Variants in TGFA observed in about 807,000 individuals in gnomAD.
The protein encoded by TGFA is transforming growth factor alpha.
TGFA carries 12 observed loss-of-function variants against 21.7 expected under a neutral mutation model. That is an observed-to-expected ratio of 0.55 (90% CI 0.35 to 0.90). The LOEUF (loss-of-function observed/expected upper bound fraction) is 0.90, where lower values mean the gene tolerates loss of function less well. TGFA is among the 40% of genes least tolerant of loss of function. TGFA has a pLI of 0.01. For synonymous variants in TGFA, 79 were observed against 88.1 expected (o/e 0.90, Z 0.58); for missense variants, 178 against 210.8 (o/e 0.84, Z 0.96).
intron 2 of TGFA, among the ~76,000 whole-genome samples, chr2:70,510,718 G>C (rs1672071472): frequency 6.6e-6 from 1 of 152,164 alleles, no homozygotes; most frequent in Non-Finnish European, 1.5e-5. Flanking sequence ...TATGACGCTG[G>C]CATCATCTGC....
intron 2 of TGFA, among the ~76,000 whole-genome samples, chr2:70,487,217 T>C (rs1224907987): frequency 1.3e-5 from 2 of 152,222 alleles, no homozygotes; most frequent in Non-Finnish European, 2.9e-5. Flanking sequence ...AATATAAATA[T>C]TGTCTTTATT....
chr2:70,529,386 G>C (rs1403151043), intron 1 of TGFA, among the ~76,000 whole-genome samples: 1 of 152,240 alleles, frequency 6.6e-6, no homozygotes, highest in African/African-American at 2.4e-5. Flanking sequence ...AGGAGACACT[G>C]TTCCAACCTT....
intron 2 of TGFA, among the ~76,000 whole-genome samples, chr2:70,499,533 G>A (rs1247894789): frequency 7.9e-5 from 12 of 152,306 alleles, no homozygotes; most frequent in Middle Eastern, 3.4e-3. Flanking sequence ...TTTTACAAGC[G>A]TTCTGGGTGA....
At chr2:70,498,598 A>G (rs2103806221) in intron 2 of TGFA, among the ~76,000 whole-genome samples, 1 of 152,180 alleles carries the variant, frequency 6.6e-6, no homozygotes, top group Non-Finnish European at 1.5e-5. Flanking sequence ...CCACCCATTT[A>G]CTGACTGTAA....
At chr2:70,541,205 A>G (rs1673122557) in intron 1 of TGFA, among the ~76,000 whole-genome samples, 1 of 152,262 alleles carries the variant, frequency 6.6e-6, no homozygotes, top group African/African-American at 2.4e-5. Context: ...AGCAATCTAT[A>G]TCTCCATCAA....
chr2:70,529,578 G>A (rs1311826129), intron 1 of TGFA, among the ~76,000 whole-genome samples: 1 of 143,312 alleles, frequency 7.0e-6, no homozygotes, highest in Admixed American at 6.7e-5. Flanking sequence ...CAAAGGTCCT[G>A]AGGAGTGAAT....
chr2:70,486,079 A>G (rs2103770668), intron 2 of TGFA, among the ~76,000 whole-genome samples: 1 of 152,340 alleles, frequency 6.6e-6, no homozygotes, highest in African/African-American at 2.4e-5. Context: ...CTAGCCTGCT[A>G]CATCAGGAAG....
At chr2:70,488,658 C>T in intron 2 of TGFA, among the ~76,000 whole-genome samples, 1 of 152,136 alleles carries the variant, frequency 6.6e-6, no homozygotes, top group East Asian at 1.9e-4. Context: ...TTTGAATACT[C>T]TCCCGTTTGT....
chr2:70,521,612 TG>T lies in TGFA; in HGVS notation c.41-6701del, dbSNP rs1559133484. On this transcript the variant is annotated intron_variant, in intron 1 of 5. Coordinates refer to ENST00000295400, the MANE Select transcript of TGFA (RefSeq NM_003236.4). ...ATTGATAGTTTTTTTTGTTGTTGTTTGTTTGTTTTTTTTTTTTTTTTTTTTT... is the reference window on the plus strand; with the variant it reads ...ATTGATAGTTTTTTTTGTTGTTGTTTTTTGTTTTTTTTTTTTTTTTTTTTT... Among the ~76,000 whole-genome samples, 126 of 79,954 alleles carry T rather than the reference TG, an allele frequency of 1.6e-3. 4 individuals carry two copies. The highest frequency in any genetic ancestry group is 6.6e-3 in the East Asian group (22 of 3,318). 52.5% of individuals were successfully genotyped at this position (79,954 alleles called of 152,430 possible). A position where few individuals can be genotyped will look rare whatever the true frequency, so the allele number is the denominator to read the frequency against.
intron 4 of TGFA, among the ~76,000 whole-genome samples, chr2:70,454,265 G>A (rs923384615): frequency 1.2e-4 from 18 of 152,326 alleles, no homozygotes; most frequent in East Asian, 3.9e-4. Context: ...GGCATTTCAC[G>A]ATTCCCATCC....
intron 1 of TGFA, among the ~76,000 whole-genome samples, chr2:70,529,078 T>C (rs1672730621): frequency 6.6e-6 from 1 of 152,228 alleles, no homozygotes; most frequent in South Asian, 2.1e-4. Flanking sequence ...CCTGACATTT[T>C]ATGGTATGTA....
intron 2 of TGFA, among the ~76,000 whole-genome samples, chr2:70,508,262 C>A (rs1390404453): frequency 6.6e-6 from 1 of 152,072 alleles, no homozygotes; most frequent in Non-Finnish European, 1.5e-5. Context: ...CTGGCCTACA[C>A]GGCGAAACCC....
chr2:70,534,900 A>G (rs924945559), intron 1 of TGFA, among the ~76,000 whole-genome samples: 6 of 152,132 alleles, frequency 3.9e-5, no homozygotes, highest in Admixed American at 6.6e-5. Flanking sequence ...ACAGCCTTCC[A>G]CAGGCTGATA....
At chr2:70,532,057 A>G (rs1291990978) in intron 1 of TGFA, among the ~76,000 whole-genome samples, 1 of 152,254 alleles carries the variant, frequency 6.6e-6, no homozygotes, top group African/African-American at 2.4e-5. Flanking sequence ...GGCAGTACAC[A>G]AGAATATCAA....
At chr2:70,487,229 T>C (rs1278505102) in intron 2 of TGFA, among the ~76,000 whole-genome samples, 1 of 152,240 alleles carries the variant, frequency 6.6e-6, no homozygotes, top group Non-Finnish European at 1.5e-5. Flanking sequence ...GTCTTTATTT[T>C]GTGTTCTGTG....
intron 1 of TGFA, among the ~76,000 whole-genome samples, chr2:70,526,396 G>T (rs1214619262): frequency 1.3e-5 from 2 of 152,140 alleles, no homozygotes; most frequent in Non-Finnish European, 1.5e-5. Context: ...ACTTTCTTTT[G>T]GTCCACTGCC....
intron 3 of TGFA, among the ~76,000 whole-genome samples, chr2:70,460,250 T>G (rs1389203850): frequency 6.6e-6 from 1 of 152,314 alleles, no homozygotes; most frequent in East Asian, 1.9e-4. Flanking sequence ...GGCATCAAGA[T>G]TTTTAAAGCT....
chr2:70,489,391 C>T (rs1671358706), intron 2 of TGFA, among the ~76,000 whole-genome samples: 1 of 152,250 alleles, frequency 6.6e-6, no homozygotes, highest in Non-Finnish European at 1.5e-5. Context: ...CCAGACGAAG[C>T]ACAAGACCAG....
intron 1 of TGFA, 51 bp from the exon 2 acceptor site, chr2:70,514,963 A>T: frequency 6.4e-7 from 1 of 1,572,584 alleles, no homozygotes; most frequent in South Asian, 1.1e-5. Context: ...TTGGCAAATG[A>T]TGTCCTCAGA....
Sources: gnomAD v4.1 joint callset for allele counts (sites outside exome capture counted in the v4.1 genomes callset) on GRCh38, gnomAD v4.1.1 for gene constraint, MANE v1.5 for transcripts, NCBI Gene and HGNC (gene_info 2026-07-23, HGNC 2026-07-21) for gene names.